CPNE8: variants seen among roughly 807,000 people sequenced by gnomAD.
The protein encoded by CPNE8 is copine 8, also known as copine-8.
Under a neutral mutation model 81.5 loss-of-function variants are expected in CPNE8, and 45 were observed. The observed-to-expected ratio is 0.55, with a 90% CI of 0.44 to 0.71. The LOEUF (loss-of-function observed/expected upper bound fraction) is 0.71. Ranked by LOEUF, CPNE8 falls within the 30% of genes least tolerant of loss-of-function variation. The probability of loss-of-function intolerance (pLI) is 0.00; values close to 1 mark genes in which losing one functional copy is unlikely to be tolerated. For missense variants in CPNE8, 594 were observed against 672.1 expected, an observed-to-expected ratio of 0.88 and a Z score of 1.28; for synonymous variants, 252 against 226.3, an observed-to-expected ratio of 1.11 and a Z score of -1.02.
intron 1 of CPNE8, among the ~76,000 whole-genome samples, chr12:38,891,672 C>T (rs1289031812): frequency 6.6e-6 from 1 of 152,136 alleles, no homozygotes; most frequent in East Asian, 1.9e-4. Flanking sequence ...GTCTCAAACC[C>T]CCAACCTCAT....
rs141804474 is a variant in CPNE8 at position 38,667,324 on chromosome 12, C to T, written c.1506+3405G>A. On this transcript the variant is annotated intron_variant, in intron 19 of 19. Coordinates refer to ENST00000331366, the MANE Select transcript of CPNE8 (RefSeq NM_153634.3). ...TTATCCTGCATGTACACTTGCAACC[C>T]CACTATTCTAAATATTCAAGAGTGT... is the stretch of plus-strand genomic sequence containing the variant. 8.6e-3 allele frequency among the ~76,000 whole-genome samples: 1,311 copies of T among 152,212 alleles called. 18 individuals are homozygous for T. Among genetic ancestry groups the T allele is most frequent in the Middle Eastern group, 0.01 (3 of 294 alleles).
intron 6 of CPNE8, among the ~76,000 whole-genome samples, chr12:38,781,281 G>C (rs1942047660): frequency 6.6e-6 from 1 of 151,898 alleles, no homozygotes; most frequent in Admixed American, 6.6e-5. Flanking sequence ...GTAGGTAGTA[G>C]AAATAAACCT....
At chr12:38,827,166 C>CA (rs10574071) in intron 6 of CPNE8, among the ~76,000 whole-genome samples, 10 of 93,120 alleles carry the variant, frequency 1.1e-4, no homozygotes, top group Middle Eastern at 4.8e-3. Flanking sequence ...GACTCCGTCT[C>CA]AAAAAAAAAA....
chr12:38,657,760 G>A (rs943331175), intron 19 of CPNE8, among the ~76,000 whole-genome samples: 1 of 152,134 alleles, frequency 6.6e-6, no homozygotes, highest in African/African-American at 2.4e-5. Context: ...AGGAAAACAG[G>A]GTCTGGAGTG....
At chr12:38,776,865 T>A (rs74088635) in intron 6 of CPNE8, among the ~76,000 whole-genome samples, 1 of 152,288 alleles carries the variant, frequency 6.6e-6, no homozygotes, top group African/African-American at 2.4e-5. Context: ...GTTGGTGTAA[T>A]GCTGAGGCAA....
At chr12:38,832,809 G>A in intron 5 of CPNE8, among the ~76,000 whole-genome samples, 1 of 151,962 alleles carries the variant, frequency 6.6e-6, no homozygotes, top group East Asian at 1.9e-4. Context: ...AGGATTAGAG[G>A]CATAAACCAC....
At chr12:38,762,290 C>A in intron 8 of CPNE8, 74 bp from the exon 9 acceptor site, 4 of 729,766 alleles carry the variant, frequency 5.5e-6, no homozygotes, top group Admixed American at 5.7e-5. Flanking sequence ...GTAGCCATTC[C>A]TCTGCTTACT....
At position 38,710,476 on chromosome 12, in the gene CPNE8, G is replaced by A. The variant is rs1488020908; in HGVS notation, c.915-7555C>T. The stretch of plus-strand genomic sequence containing the variant: ...TCCTTGCAAAACTATCAAATCTCTG[G>A]GTCCTAGTTTTCTCATATGACAGAC... On this transcript the variant is annotated intron_variant, in intron 13 of 19. Transcript: ENST00000331366. Among the ~76,000 whole-genome samples, 2 of 151,898 alleles carry A rather than the reference G, an allele frequency of 1.3e-5. 1 individual carries two copies. Among genetic ancestry groups the A allele is most frequent in the East Asian group, 3.9e-4 (2 of 5,170 alleles).
intron 15 of CPNE8, among the ~76,000 whole-genome samples, chr12:38,689,947 T>C (rs1939637396): frequency 6.6e-6 from 1 of 152,218 alleles, no homozygotes; most frequent in Non-Finnish European, 1.5e-5. Context: ...ATTCTTCCTT[T>C]CCTCTCCCAT....
In CPNE8 at chr12:38,718,011, A is replaced by G. The variant is rs1202243417; in HGVS notation, c.914+5761T>C. On this transcript the variant is annotated intron_variant, in intron 13 of 19. Transcript: ENST00000331366. ...TGTTCCAATTACCTTGAAATATCAT[A>G]CTTATTATGTATTATGGAAGGGCAT... Among the ~76,000 whole-genome samples, 9 of 151,870 alleles carry G rather than the reference A, an allele frequency of 5.9e-5. 1 individual carries two copies. The South Asian group carries it at 1.9e-3, about 31-fold the overall frequency.
At chr12:38,685,422 G>C (rs1178468094) in intron 16 of CPNE8, 68 bp downstream of exon 16, 2 of 1,512,546 alleles carry the variant, frequency 1.3e-6, no homozygotes, top group African/African-American at 1.4e-5. Flanking sequence ...AGTCATGCTA[G>C]CAACAATGTT....
At chr12:38,797,945 A>G (rs890212230) in intron 6 of CPNE8, among the ~76,000 whole-genome samples, 7 of 152,180 alleles carry the variant, frequency 4.6e-5, no homozygotes, top group Non-Finnish European at 8.8e-5. Context: ...AAGAAAGGGT[A>G]TCAGTGATGG....
intron 10 of CPNE8, 102 bp downstream of exon 10, chr12:38,760,745 A>C: frequency 1.1e-6 from 1 of 915,412 alleles, no homozygotes; most frequent in Non-Finnish European, 1.8e-6. Flanking sequence ...AACAAAACAA[A>C]TATGCCATCT....
chr12:38,904,470 G>GTTTTTTTTTTTT (rs11343890), intron 1 of CPNE8, among the ~76,000 whole-genome samples: 1 of 120,304 alleles, frequency 8.3e-6, no homozygotes. Context: ...GTTTTTTTTT[G>GTTTTTTTTTTTT]TTTTTTTTTT....
At chr12:38,901,616 A>C (rs888103302) in intron 1 of CPNE8, among the ~76,000 whole-genome samples, 10 of 152,246 alleles carry the variant, frequency 6.6e-5, no homozygotes, top group Non-Finnish European at 1.0e-4. Context: ...GAATGCAAGA[A>C]GAGCTAGACA....
At chr12:38,684,891 T>C (rs1939498314) in intron 16 of CPNE8, among the ~76,000 whole-genome samples, 1 of 152,192 alleles carries the variant, frequency 6.6e-6, no homozygotes, top group Non-Finnish European at 1.5e-5. Context: ...GAAAAAATGA[T>C]AAGTATGTAT....
At chr12:38,684,325 A>G (rs970712366) in intron 16 of CPNE8, among the ~76,000 whole-genome samples, 4 of 152,266 alleles carry the variant, frequency 2.6e-5, no homozygotes, top group African/African-American at 9.6e-5. Flanking sequence ...GAAATAGAGA[A>G]GAACAGGTGC....
intron 13 of CPNE8, among the ~76,000 whole-genome samples, chr12:38,721,709 C>T (rs1940569663): frequency 6.6e-6 from 1 of 152,204 alleles, no homozygotes; most frequent in Non-Finnish European, 1.5e-5. Context: ...CCTGGGGGAG[C>T]CCAGACCTGG....
At chr12:38,837,613 T>C (rs907663226) in intron 5 of CPNE8, among the ~76,000 whole-genome samples, 4 of 151,998 alleles carry the variant, frequency 2.6e-5, no homozygotes, top group Non-Finnish European at 4.4e-5. Flanking sequence ...TGACAGATAA[T>C]GGGTAAACAG....
Sources: allele counts gnomAD v4.1 joint callset (sites outside exome capture counted in the v4.1 genomes callset), GRCh38; gene constraint gnomAD v4.1.1; transcripts MANE v1.5; gene names NCBI Gene and HGNC (gene_info 2026-07-23, HGNC 2026-07-21).